MAML3: variants seen among roughly 807,000 people sequenced by gnomAD.
MAML3 encodes mastermind like transcriptional coactivator 3, also known as mastermind-like protein 3.
A neutral mutation model predicts 101.9 loss-of-function variants in MAML3; 27 were observed. The observed-to-expected ratio is 0.27, with a 90% CI of 0.20 to 0.37. MAML3 has a LOEUF of 0.37. Ranked by LOEUF, MAML3 falls within the 10% of genes least tolerant of loss-of-function variation. The pLI is 1.00. For synonymous variants in MAML3, 501 were observed against 555.9 expected (o/e 0.90, Z 1.39); for missense variants, 1,316 against 1,444.9 (o/e 0.91, Z 1.45).
rs577297903 is a variant in MAML3 at position 139,943,051 on chromosome 4, C to T, written c.469-52084G>A. On this transcript the variant is annotated intron_variant, in intron 1 of 4. Coordinates refer to ENST00000509479, the MANE Select transcript of MAML3 (RefSeq NM_018717.5). ...AAAAATGTACGATCAAAATTTATTT[C>T]ATTTATATATGTGAAATGGGGGTGC... Among the ~76,000 whole-genome samples the T allele has an allele frequency of 3.7e-4, 57 of 152,212 alleles. 1 individual carries two copies. Among genetic ancestry groups the T allele is most frequent in the Non-Finnish European group, 4.4e-5 (3 of 68,006 alleles).
At chr4:139,953,537 A>C (rs1733866254) in intron 1 of MAML3, among the ~76,000 whole-genome samples, 1 of 152,158 alleles carries the variant, frequency 6.6e-6, no homozygotes, top group Non-Finnish European at 1.5e-5. Flanking sequence ...GAGGCAGGAG[A>C]ATTGCTGAAC....
At chr4:140,023,715 T>C (rs1302328389) in intron 1 of MAML3, among the ~76,000 whole-genome samples, 2 of 152,192 alleles carry the variant, frequency 1.3e-5, no homozygotes, top group African/African-American at 4.8e-5. Context: ...ATGAAGCAAA[T>C]TCTTACAACT....
chr4:140,153,443 AC>A lies in MAML3; in HGVS notation c.-117del. ...AGTGGAACGCGGGGGAGACGCAAGC[AC>A]ATGGATGGAAACGGCGATCCCGACG... is the stretch of plus-strand genomic sequence containing the variant. On this transcript the variant is annotated 5_prime_UTR_variant, in exon 1 of 5. An upstream start codon of the reference 5' UTR is lost. Transcript: ENST00000509479. 1 of 1,207,620 alleles carries A rather than the reference AC, an allele frequency of 8.3e-7. No individual in the cohort carries two copies. Among genetic ancestry groups the A allele is most frequent in the East Asian group, 3.3e-5 (1 of 29,928 alleles). The allele number at this position is 1,207,620 out of a possible 1,614,324, so 74.8% of individuals were successfully genotyped here.
intron 1 of MAML3, among the ~76,000 whole-genome samples, chr4:140,118,767 C>T (rs1450501287): frequency 6.6e-6 from 1 of 152,146 alleles, no homozygotes; most frequent in African/African-American, 2.4e-5. Flanking sequence ...AACGATCATG[C>T]TGTAGCAGGG....
At chr4:140,152,370 A>G (rs1303360777) in intron 1 of MAML3, among the ~76,000 whole-genome samples, 2 of 152,152 alleles carry the variant, frequency 1.3e-5, no homozygotes, top group Admixed American at 1.3e-4. Context: ...GTGCCCGCCC[A>G]GAACCTGCGA....
chr4:140,147,679 G>T (rs1406282262), intron 1 of MAML3, among the ~76,000 whole-genome samples: 1 of 152,212 alleles, frequency 6.6e-6, no homozygotes, highest in African/African-American at 2.4e-5. Flanking sequence ...ATAAGAGTCT[G>T]ATGTCTGTTT....
At chr4:139,764,797 C>T (rs773937675) in intron 2 of MAML3, among the ~76,000 whole-genome samples, 12 of 152,356 alleles carry the variant, frequency 7.9e-5, no homozygotes, top group Admixed American at 1.3e-4. Flanking sequence ...CAAGCACTGT[C>T]CACATCCCAC....
chr4:139,985,038 G>A (rs754717991), intron 1 of MAML3, among the ~76,000 whole-genome samples: 3 of 152,188 alleles, frequency 2.0e-5, no homozygotes, highest in Non-Finnish European at 2.9e-5. Context: ...GGCAGTTTTT[G>A]ATTAGAGGAC....
chr4:140,077,424 T>C (rs959980771), intron 1 of MAML3, among the ~76,000 whole-genome samples: 5 of 152,196 alleles, frequency 3.3e-5, no homozygotes, highest in Admixed American at 6.5e-5. Context: ...ATCACTCCAC[T>C]GGGAAGGCCA....
At chr4:139,828,185 C>T (rs935528199) in intron 2 of MAML3, among the ~76,000 whole-genome samples, 1 of 152,166 alleles carries the variant, frequency 6.6e-6, no homozygotes, top group Non-Finnish European at 1.5e-5. Context: ...TATAACATGG[C>T]TTAGGATGGA....
intron 2 of MAML3, among the ~76,000 whole-genome samples, chr4:139,883,211 G>A (rs1405339586): frequency 1.3e-5 from 2 of 152,140 alleles, no homozygotes; most frequent in African/African-American, 2.4e-5. Flanking sequence ...GAAAGACGGA[G>A]GGAGGGAGAG....
chr4:139,754,522 C>T (rs1729603101), intron 2 of MAML3, among the ~76,000 whole-genome samples: 1 of 152,136 alleles, frequency 6.6e-6, no homozygotes, highest in South Asian at 2.1e-4. Flanking sequence ...AAATAATTTT[C>T]AATTTTCACT....
intron 2 of MAML3, among the ~76,000 whole-genome samples, chr4:139,828,037 GTTAT>G (rs1731094326): frequency 6.6e-6 from 1 of 152,228 alleles, no homozygotes; most frequent in Admixed American, 6.5e-5. Context: ...CTGCCAAGAT[GTTAT>G]TTGTCTGACA....
intron 1 of MAML3, among the ~76,000 whole-genome samples, chr4:140,147,411 G>T (rs1387118564): frequency 6.6e-6 from 1 of 152,184 alleles, no homozygotes. Context: ...AGTTCTGAGA[G>T]TCAGGAGCAC....
rs1728688275 is a variant in MAML3, at chr4:139,731,063, T to C, written c.2080-396A>G. 1.6e-5 allele frequency: 3 copies of C among 188,372 alleles called. No individual in the cohort carries two copies. In the South Asian group the frequency reaches 4.7e-4, roughly 29 times the overall value. 11.7% of individuals were successfully genotyped at this position (188,372 alleles called of 1,614,324 possible). On this transcript the variant is annotated intron_variant, in intron 2 of 4. Coordinates refer to ENST00000509479, the MANE Select transcript of MAML3 (RefSeq NM_018717.5). ...CTGACCTCACCTGTTAATCCTTATTTCTTACTGTCTACTTGGCCAAAATGG... is the reference window on the plus strand; with the variant it reads ...CTGACCTCACCTGTTAATCCTTATTCCTTACTGTCTACTTGGCCAAAATGG...
chr4:139,979,784 G>T (rs1734411398), intron 1 of MAML3, among the ~76,000 whole-genome samples: 1 of 152,286 alleles, frequency 6.6e-6, no homozygotes, highest in African/African-American at 2.4e-5. Flanking sequence ...ATCTGAACCT[G>T]CTGGTGCCGT....
At chr4:140,056,537 T>C (rs750912594) in intron 1 of MAML3, among the ~76,000 whole-genome samples, 5 of 151,872 alleles carry the variant, frequency 3.3e-5, no homozygotes, top group East Asian at 1.9e-4. Flanking sequence ...CCCTGCGCGG[T>C]GACTCACGCC....
At chr4:139,795,364 T>C (rs959973174) in intron 2 of MAML3, among the ~76,000 whole-genome samples, 1 of 151,686 alleles carries the variant, frequency 6.6e-6, no homozygotes, top group Non-Finnish European at 1.5e-5. Context: ...TAAATTTGAA[T>C]TCAATTGAGT....
intron 1 of MAML3, among the ~76,000 whole-genome samples, chr4:140,130,483 A>T (rs1728773704): frequency 6.6e-6 from 1 of 152,278 alleles, no homozygotes; most frequent in South Asian, 2.1e-4. Context: ...TATCTGCTAC[A>T]AAGGCCTGAA....
Sources: allele counts gnomAD v4.1 joint callset (sites outside exome capture counted in the v4.1 genomes callset), GRCh38; gene constraint gnomAD v4.1.1; transcripts MANE v1.5; gene names NCBI Gene and HGNC (gene_info 2026-07-23, HGNC 2026-07-21).